RORA: variants seen among roughly 807,000 people sequenced by gnomAD.
RORA encodes the protein RAR related orphan receptor A, also known as nuclear receptor ROR-alpha.
In RORA, 7 loss-of-function variants were observed where a neutral mutation model predicts 69.5. The observed-to-expected ratio is 0.10, with a 90% confidence interval of 0.06 to 0.19. RORA has a LOEUF of 0.19. RORA is among the 10% of genes least tolerant of loss of function. The probability of loss-of-function intolerance (pLI) is 1.00; values close to 1 mark genes in which losing one functional copy is unlikely to be tolerated. For synonymous variants in RORA, 261 were observed against 240.8 expected (o/e 1.08, Z -0.78); for missense variants, 457 against 663.0 (o/e 0.69, Z 3.41).
chr15:60,857,991 G>A (rs1399127228), intron 1 of RORA, among the ~76,000 whole-genome samples: 1 of 152,204 alleles, frequency 6.6e-6, no homozygotes, highest in African/African-American at 2.4e-5. Flanking sequence ...TCACACTGGG[G>A]TTTGCAACCC....
chr15:61,160,778 G>GA (rs1249260787), intron 1 of RORA, among the ~76,000 whole-genome samples: 47 of 152,294 alleles, frequency 3.1e-4, no homozygotes, highest in African/African-American at 1.1e-3. Flanking sequence ...GTTATGAAGA[G>GA]AGCTGTCTTC....
chr15:61,218,368 T>C (rs1468751140), intron 1 of RORA, among the ~76,000 whole-genome samples: 1 of 152,154 alleles, frequency 6.6e-6, no homozygotes, highest in African/African-American at 2.4e-5. Context: ...TGTCAAGTGG[T>C]ATTTCTCTTT....
At chr15:60,649,089 T>A (rs1451926206) in intron 2 of RORA, among the ~76,000 whole-genome samples, 1 of 152,104 alleles carries the variant, frequency 6.6e-6, no homozygotes, top group Non-Finnish European at 1.5e-5. Context: ...GAACACAGTA[T>A]AATATTCCCA....
At chr15:61,081,994 C>A (rs997929371) in intron 1 of RORA, among the ~76,000 whole-genome samples, 1 of 152,276 alleles carries the variant, frequency 6.6e-6, no homozygotes, top group Non-Finnish European at 1.5e-5. Flanking sequence ...TTCGGCTTTA[C>A]TACTTACTAA....
chr15:60,617,686 A>AGAGG (rs748112125), intron 2 of RORA, among the ~76,000 whole-genome samples: 17 of 151,258 alleles, frequency 1.1e-4, no homozygotes, highest in Non-Finnish European at 2.5e-4. Context: ...AGAGAGAGAG[A>AGAGG]GAGAGAAAGA....
At chr15:60,664,243 T>C (rs1032216821) in intron 2 of RORA, among the ~76,000 whole-genome samples, 2 of 152,140 alleles carry the variant, frequency 1.3e-5, no homozygotes, top group African/African-American at 4.8e-5. Context: ...GGACTCTTTT[T>C]TGAGGGGTGT....
chr15:61,005,341 G>A (rs1415095079), intron 1 of RORA, among the ~76,000 whole-genome samples: 5 of 152,198 alleles, frequency 3.3e-5, no homozygotes, highest in South Asian at 4.2e-4. Flanking sequence ...ATAGCCAGTC[G>A]TGGTGGCAGG....
At chr15:60,748,361 A>G (rs1016843764) in intron 1 of RORA, among the ~76,000 whole-genome samples, 22 of 151,758 alleles carry the variant, frequency 1.4e-4, no homozygotes, top group Admixed American at 1.3e-3. Context: ...TAGTGCCTTC[A>G]GACATAGGGA....
intron 1 of RORA, among the ~76,000 whole-genome samples, chr15:60,718,660 C>T (rs1375949094): frequency 1.3e-5 from 2 of 152,118 alleles, no homozygotes; most frequent in African/African-American, 2.4e-5. Flanking sequence ...GAAATTAATA[C>T]ACAAAGCTCG....
chr15:61,218,684 A>T (rs1402897015), intron 1 of RORA, among the ~76,000 whole-genome samples: 4 of 150,710 alleles, frequency 2.7e-5, no homozygotes, highest in African/African-American at 9.7e-5. Flanking sequence ...TCACACACAC[A>T]CACACACACA....
At chr15:60,938,324 C>T (rs1424435805) in intron 1 of RORA, among the ~76,000 whole-genome samples, 1 of 152,182 alleles carries the variant, frequency 6.6e-6, no homozygotes, top group Non-Finnish European at 1.5e-5. Flanking sequence ...GGTCTATCTT[C>T]ACCCTATCAT....
chr15:61,073,751 G>A (rs1315397428), intron 1 of RORA, among the ~76,000 whole-genome samples: 1 of 152,196 alleles, frequency 6.6e-6, no homozygotes, highest in African/African-American at 2.4e-5. Context: ...CTTTAGATGA[G>A]AGGCAGGCAA....
At chr15:60,690,694 G>C (rs77893040) in intron 1 of RORA, among the ~76,000 whole-genome samples, 1 of 152,188 alleles carries the variant, frequency 6.6e-6, no homozygotes, top group African/African-American at 2.4e-5. Context: ...ACCTTTCCCT[G>C]AAAAAGGACA....
chr15:60,567,601 G>C (rs1285099343), intron 2 of RORA, among the ~76,000 whole-genome samples: 3 of 151,954 alleles, frequency 2.0e-5, no homozygotes, highest in Admixed American at 6.6e-5. Flanking sequence ...AGTGGAGACA[G>C]GGTTTTACCA....
chr15:61,038,769 T>G (rs1896590763), intron 1 of RORA: 1 of 152,242 alleles, frequency 6.6e-6, no homozygotes, highest in African/African-American at 2.4e-5. Context: ...GAGACGTACT[T>G]TCGACCCAAA....
chr15:60,675,334 C>T (rs571221932), intron 2 of RORA, among the ~76,000 whole-genome samples: 3 of 152,330 alleles, frequency 2.0e-5, no homozygotes, highest in Non-Finnish European at 4.4e-5. Flanking sequence ...CAACCAAATA[C>T]ATGTGCTATA....
chr15:61,022,894 G>A (rs1249998716), intron 1 of RORA, among the ~76,000 whole-genome samples: 1 of 151,976 alleles, frequency 6.6e-6, no homozygotes, highest in Non-Finnish European at 1.5e-5. Context: ...CAATGTTTAA[G>A]AACTGACAGG....
At chr15:61,045,128 A>G (rs1011396571) in intron 1 of RORA, among the ~76,000 whole-genome samples, 1 of 152,218 alleles carries the variant, frequency 6.6e-6, no homozygotes, top group Non-Finnish European at 1.5e-5. Context: ...TGTAGCTCCC[A>G]TAATTCCCAC....
At chr15:60,670,044 TC>T (rs1483432423) in intron 2 of RORA, among the ~76,000 whole-genome samples, 1 of 152,194 alleles carries the variant, frequency 6.6e-6, no homozygotes, top group East Asian at 1.9e-4. Flanking sequence ...CAGTCTACTT[TC>T]CAGCCTCTGT....
Sources: allele counts gnomAD v4.1 joint callset (sites outside exome capture counted in the v4.1 genomes callset), GRCh38; gene constraint gnomAD v4.1.1; transcripts MANE v1.5; gene names NCBI Gene and HGNC (gene_info 2026-07-23, HGNC 2026-07-21).